The following NCAPG2 variants were observed in gnomAD, a reference collection of about 807,000 sequenced individuals.
NCAPG2 encodes the protein condensin-2 complex subunit G2.
NCAPG2 carries 53 observed loss-of-function variants against 141.1 expected under a neutral mutation model. The observed-to-expected ratio is 0.38, with a 90% CI of 0.30 to 0.47. The LOEUF is 0.47. NCAPG2 is among the 20% of genes least tolerant of loss of function. NCAPG2 has a pLI of 0.99. For missense variants in NCAPG2, 1,087 were observed against 1,389.0 expected (o/e 0.78, Z 3.46); for synonymous variants, 499 against 490.7 (o/e 1.02, Z -0.22).
intron 13 of NCAPG2, chr7:158,667,155 C>A: frequency 2.0e-6 from 2 of 985,428 alleles, no homozygotes; most frequent in Non-Finnish European, 2.4e-6. Flanking sequence ...CACCTCACAA[C>A]CAAATGGCTG....
At chr7:158,645,745 C>G (rs1830965216) in intron 25 of NCAPG2, 126 bp from the exon 26 acceptor site, 2 of 741,162 alleles carry the variant, frequency 2.7e-6, no homozygotes, top group Non-Finnish European at 4.5e-6. Flanking sequence ...GGGAAGGTGA[C>G]TGAACTCACC....
intron 6 of NCAPG2, among the ~76,000 whole-genome samples, chr7:158,687,884 T>C (rs1305902129): frequency 6.6e-6 from 1 of 152,198 alleles, no homozygotes; most frequent in Non-Finnish European, 1.5e-5. Flanking sequence ...CTCATATAGT[T>C]AAAAGGCTAA....
At chr7:158,650,777 A>C in intron 24 of NCAPG2, 55 bp downstream of exon 24, 5 of 1,538,060 alleles carry the variant, frequency 3.3e-6, no homozygotes, top group Non-Finnish European at 4.4e-6. Flanking sequence ...TAGTAGAAAC[A>C]CCATCTTGTG....
chr7:158,669,045 G>A (rs1833498770), intron 13 of NCAPG2, among the ~76,000 whole-genome samples: 1 of 152,158 alleles, frequency 6.6e-6, no homozygotes, highest in African/African-American at 2.4e-5. Flanking sequence ...TCCTGCGTTT[G>A]TTTGCTGAGG....
chr7:158,660,264 CA>C (rs1183396529), intron 16 of NCAPG2, among the ~76,000 whole-genome samples: 3 of 152,034 alleles, frequency 2.0e-5, no homozygotes, highest in Non-Finnish European at 4.4e-5. Context: ...AACTGAATCC[CA>C]AGACCCTCTA....
At chr7:158,692,672 C>T (rs1835200826) in intron 4 of NCAPG2, among the ~76,000 whole-genome samples, 170 bp downstream of exon 4, 1 of 152,148 alleles carries the variant, frequency 6.6e-6, no homozygotes, top group African/African-American at 2.4e-5. Context: ...ACCCGGGAGG[C>T]GGAGGTTGCG....
intron 11 of NCAPG2, among the ~76,000 whole-genome samples, chr7:158,676,152 T>C (rs1834037989): frequency 6.6e-6 from 1 of 152,028 alleles, no homozygotes. Flanking sequence ...GGAAATAATC[T>C]CACGAAACAA....
rs151029633 is a variant in NCAPG2, at chr7:158,681,173, G to A, written c.925-357C>T. ...ATAAAATGGAAAAGGGGAGATTCCTGAATGGTTCTAAGAGCTCACGCTTGT... is the reference window on the plus strand; with the variant it reads ...ATAAAATGGAAAAGGGGAGATTCCTAAATGGTTCTAAGAGCTCACGCTTGT... On this transcript the variant is annotated intron_variant, in intron 9 of 27. Coordinates refer to ENST00000356309, the MANE Select transcript of NCAPG2 (RefSeq NM_017760.7). Among the ~76,000 whole-genome samples, 302 of 152,320 alleles carry A rather than the reference G, an allele frequency of 2.0e-3. 3 individuals carry two copies. Among genetic ancestry groups the A allele is most frequent in the African/African-American group, 6.7e-3 (280 of 41,572 alleles).
intron 2 of NCAPG2, among the ~76,000 whole-genome samples, chr7:158,694,208 C>T (rs561250270): frequency 2.8e-4 from 43 of 152,068 alleles, no homozygotes; most frequent in African/African-American, 8.2e-4. Context: ...AGCAAGAGCC[C>T]GTCTCTAAAA....
At position 158,656,615 on chromosome 7, in the gene NCAPG2, C is replaced by A. The variant is rs1399824427; in HGVS notation, c.2151G>T (p.Gly717=). 1 of 1,614,110 alleles carries A rather than the reference C, an allele frequency of 6.2e-7. No individual in the cohort carries two copies. The highest frequency in any genetic ancestry group is 1.1e-5 in the South Asian group (1 of 91,076). The change falls in exon 18 of 28, where the codon GGG becomes GGT. Residue 717 remains glycine, a synonymous_variant. Transcript: ENST00000356309. ...CTLLDCLCSW[G]QVGHILELVD... Reference sequence around the variant, plus strand: ...CAAGCTCCAGAATGTGCCCCACCTGCCCCCAGGAGCAGAGGCAATCCAACA... The same window carrying A: ...CAAGCTCCAGAATGTGCCCCACCTGACCCCAGGAGCAGAGGCAATCCAACA...
In NCAPG2 at chr7:158,672,280, GTGTGTGTGTGTGTATATA is replaced by G. The variant is rs1233335594; in HGVS notation, c.1327-632_1327-615del. Among the ~76,000 whole-genome samples the G allele has an allele frequency of 2.9e-3, 149 of 50,534 alleles. 2 individuals carry two copies. The highest frequency in any genetic ancestry group is 6.7e-3 in the African/African-American group (103 of 15,338). The allele number at this position is 50,534 out of a possible 152,430, so 33.2% of individuals were successfully genotyped here. A position where few individuals can be genotyped will look rare whatever the true frequency, so the allele number is the denominator to read the frequency against. On this transcript the variant is annotated intron_variant, in intron 12 of 27. Transcript: ENST00000356309. ...AGTATATACGGTATTCCAAACACAT[GTGTGTGTGTGTGTATATA>G]TATATATATATATATATATATATAT...
In NCAPG2 at chr7:158,680,707, T is replaced by C. The variant is rs1436129347; in HGVS notation, c.1020+14A>G. 6.7e-7 allele frequency: 1 copy of C among 1,484,954 alleles called. No individual in the cohort carries two copies. 92.0% of individuals were successfully genotyped at this position (1,484,954 alleles called of 1,614,324 possible). On this transcript the variant is annotated intron_variant, in intron 10 of 27. Transcript: ENST00000356309. Reference sequence around the variant, plus strand: ...GTACATTCCAAACACGGATAAACTATTTGAAATGTATACCTTTAATCCTCT... The same window carrying C: ...GTACATTCCAAACACGGATAAACTACTTGAAATGTATACCTTTAATCCTCT...
chr7:158,690,734 C>G lies in NCAPG2; in HGVS notation c.383-12G>C. On this transcript the variant is annotated splice_polypyrimidine_tract_variant and intron_variant, in intron 4 of 27. Transcript: ENST00000356309. The stretch of plus-strand genomic sequence containing the variant: ...TGCATATAAAATACCTAAAATACAG[C>G]ACAGTAATTTTCCAATTAGTAAGGC... The G allele has an allele frequency of 6.2e-7, 1 of 1,608,876 alleles. No homozygotes were observed. The highest frequency in any genetic ancestry group is 8.5e-7 in the Non-Finnish European group (1 of 1,176,882).
intron 15 of NCAPG2, among the ~76,000 whole-genome samples, chr7:158,663,079 A>G (rs906559019): frequency 6.6e-6 from 1 of 152,234 alleles, no homozygotes; most frequent in Non-Finnish European, 1.5e-5. Context: ...GGCAAGCCAC[A>G]CGTAAGTGCA....
intron 6 of NCAPG2, among the ~76,000 whole-genome samples, chr7:158,688,103 C>T (rs1834885098): frequency 1.3e-5 from 2 of 151,516 alleles, no homozygotes; most frequent in East Asian, 1.9e-4. Context: ...CACCACTGCA[C>T]AGAACTGGAA....
At chr7:158,679,843 C>A (rs1834334551) in intron 11 of NCAPG2, 117 bp downstream of exon 11, 3 of 1,335,738 alleles carry the variant, frequency 2.2e-6, no homozygotes, top group Non-Finnish European at 3.0e-6. Context: ...GAAACCATGC[C>A]ATGTGGGAGC....
rs148785339 is a variant in NCAPG2 at position 158,670,623 on chromosome 7, T to G, written c.1479+891A>C. On this transcript the variant is annotated intron_variant, in intron 13 of 27. Transcript: ENST00000356309. The stretch of plus-strand genomic sequence containing the variant: ...CTTCAAAGGATATTTTACCCATATC[T>G]GAGCAATATTTACTTATATATATGT... Among the ~76,000 whole-genome samples, 21 of 152,344 alleles carry G rather than the reference T, an allele frequency of 1.4e-4. 1 individual carries two copies. The highest frequency in any genetic ancestry group is 4.6e-4 in the African/African-American group (19 of 41,582).
At chr7:158,643,855 T>G (rs2290395) in intron 27 of NCAPG2, among the ~76,000 whole-genome samples, 26,328 of 152,176 alleles carry the variant, frequency 0.17, 2,961 homozygotes, top group East Asian at 0.4. Context: ...GCCTGCAGGC[T>G]GTGCGTAGCA....
chr7:158,636,229 C>T (rs909758546), intron 27 of NCAPG2, among the ~76,000 whole-genome samples: 2 of 152,042 alleles, frequency 1.3e-5, no homozygotes, highest in Non-Finnish European at 1.5e-5. Context: ...CAGGTCTTTT[C>T]TTCTCTCAAT....
Sources: gnomAD v4.1 joint callset for allele counts (sites outside exome capture counted in the v4.1 genomes callset) on GRCh38, gnomAD v4.1.1 for gene constraint, MANE v1.5 for transcripts, NCBI Gene and HGNC (gene_info 2026-07-23, HGNC 2026-07-21) for gene names.